Variants in G3BP2 observed in about 807,000 individuals in gnomAD.
G3BP2 encodes the protein G3BP stress granule assembly factor 2.
G3BP2 carries 11 observed loss-of-function variants against 56.7 expected under a neutral mutation model. The observed-to-expected ratio is 0.19, with a 90% CI of 0.12 to 0.32. G3BP2 has a LOEUF of 0.32. Among genes scored for constraint, G3BP2 ranks in the 10% least tolerant of loss-of-function variants. The pLI is 1.00. For synonymous variants in G3BP2, 165 were observed against 191.6 expected (o/e 0.86, Z 1.15); for missense variants, 340 against 610.9 (o/e 0.56, Z 4.67).
intron 11 of G3BP2, 97 bp downstream of exon 11, chr4:75,646,239 CTT>C (rs1239105939): frequency 1.5e-6 from 1 of 658,070 alleles, no homozygotes; most frequent in African/African-American, 1.9e-5. Flanking sequence ...CTATTTTTAG[CTT>C]TATTATTAAA....
chr4:75,656,552 CAT>C (rs1732132242), intron 5 of G3BP2, among the ~76,000 whole-genome samples: 1 of 152,018 alleles, frequency 6.6e-6, no homozygotes, highest in African/African-American at 2.4e-5. Context: ...ATAGCCACAA[CAT>C]AGACAGCCAA....
upstream of G3BP2, among the ~76,000 whole-genome samples, chr4:75,677,751 T>G (rs532917115): frequency 6.6e-6 from 1 of 152,320 alleles, no homozygotes; most frequent in African/African-American, 2.4e-5. Context: ...TTTTAAGGCT[T>G]GCAAAACAAA....
chr4:75,684,218 A>C (rs1560412427), intron 3 of G3BP2, among the ~76,000 whole-genome samples: 2 of 152,124 alleles, frequency 1.3e-5, no homozygotes, highest in Admixed American at 6.5e-5. Flanking sequence ...AGCCTGGCCA[A>C]TATGGTGAAA....
At chr4:75,700,710 C>T (rs1290497807) in intron 3 of G3BP2, among the ~76,000 whole-genome samples, 8 of 149,332 alleles carry the variant, frequency 5.4e-5, no homozygotes, top group East Asian at 4.0e-4. Flanking sequence ...TGAGCCACTG[C>T]GCCCAGCTGA....
At chr4:75,695,867 A>G (rs916726520) in intron 3 of G3BP2, among the ~76,000 whole-genome samples, 4 of 151,552 alleles carry the variant, frequency 2.6e-5, no homozygotes, top group African/African-American at 2.4e-5. Flanking sequence ...CCAGCTATTC[A>G]GGAGGCTGAG....
chr4:75,721,746 G>A (rs941768826), intron 2 of G3BP2, among the ~76,000 whole-genome samples: 8 of 152,136 alleles, frequency 5.3e-5, no homozygotes, highest in South Asian at 2.1e-4. Context: ...TTGTTTTTGC[G>A]AGTTTTCCAC....
At chr4:75,680,885 T>A (rs1212848893) in intron 3 of G3BP2, among the ~76,000 whole-genome samples, 1 of 151,368 alleles carries the variant, frequency 6.6e-6, no homozygotes, top group Non-Finnish European at 1.5e-5. Flanking sequence ...GGAGAATAGC[T>A]TGAACCCAGG....
intron 3 of G3BP2, among the ~76,000 whole-genome samples, chr4:75,707,482 G>A (rs1397785867): frequency 6.6e-6 from 1 of 151,752 alleles, no homozygotes; most frequent in Non-Finnish European, 1.5e-5. Context: ...GGTGGCGGGA[G>A]CCTGTAGTCC....
chr4:75,651,097 G>T (rs1015052365), intron 8 of G3BP2, among the ~76,000 whole-genome samples: 1 of 152,174 alleles, frequency 6.6e-6, no homozygotes, highest in African/African-American at 2.4e-5. Flanking sequence ...AAAATGTGAT[G>T]CTGAAAAAGG....
At chr4:75,646,705 G>C (rs1731230813) in intron 10 of G3BP2, among the ~76,000 whole-genome samples, 1 of 105,314 alleles carries the variant, frequency 9.5e-6, no homozygotes, top group South Asian at 4.7e-4. Flanking sequence ...AAAGTTAACT[G>C]CATAATTTTG....
intron 3 of G3BP2, among the ~76,000 whole-genome samples, chr4:75,706,798 T>C (rs1407278997): frequency 1.3e-5 from 2 of 152,172 alleles, no homozygotes; most frequent in African/African-American, 4.8e-5. Flanking sequence ...TGGTCAAAGT[T>C]GACCACCACT....
chr4:75,655,074 G>T lies in G3BP2; in HGVS notation c.718C>A (p.Pro240Thr). Residue 240 changes from proline to threonine, a missense_variant, in exon 7 of 12, where the codon CCA becomes ACA. Physicochemically the swap from Pro to Thr is conservative, Grantham distance 38. Transcript: ENST00000359707. ...GAGTTCTTTGATCTAACCTTTGGTGGTTCTTGTGGCAGAGAAACAGGTTCT... is the reference window on the plus strand; with the variant it reads ...GAGTTCTTTGATCTAACCTTTGGTGTTTCTTGTGGCAGAGAAACAGGTTCT... ...PAEPVSLPQE[P>T]PKAFSWASVT... The T allele has an allele frequency of 6.2e-7, 1 of 1,609,704 alleles. No individual in the cohort carries two copies. The highest frequency in any genetic ancestry group is 8.5e-7 in the Non-Finnish European group (1 of 1,177,990).
At chr4:75,704,303 C>G (rs2149099348) in intron 3 of G3BP2, among the ~76,000 whole-genome samples, 1 of 152,090 alleles carries the variant, frequency 6.6e-6, no homozygotes, top group South Asian at 2.1e-4. Context: ...AGGCGTGAGC[C>G]CCCGCCGGAC....
rs553574178 is a variant in G3BP2 at position 75,709,282 on chromosome 4, C to T, written c.-25+11595G>A. Reference sequence around the variant, plus strand: ...TAAAAATACAAAAATTAGCCAGGTGCGGTGGTTGGCCCCTGTAATCTCAGC... The same window carrying T: ...TAAAAATACAAAAATTAGCCAGGTGTGGTGGTTGGCCCCTGTAATCTCAGC... On this transcript the variant is annotated intron_variant, in intron 3 of 3. Coordinates refer to the G3BP2 transcript ENST00000499709. 4.6e-5 allele frequency among the ~76,000 whole-genome samples: 7 copies of T among 151,680 alleles called. No individual in the cohort carries two copies. The East Asian group carries it at 5.8e-4, about 13-fold the overall frequency.
upstream of G3BP2, among the ~76,000 whole-genome samples, chr4:75,674,719 T>TATATATATATATATATATATATATA (rs57822618): frequency 1.2e-4 from 6 of 50,958 alleles, no homozygotes; most frequent in African/African-American, 1.7e-4. Context: ...TATATATATA[T>TATATATATATATATATATATATATA]TTTTTTTTTT....
chr4:75,720,516 A>T (rs1720124046), intron 3 of G3BP2, among the ~76,000 whole-genome samples: 1 of 150,264 alleles, frequency 6.7e-6, no homozygotes, highest in South Asian at 2.1e-4. Flanking sequence ...AAAAAAAAAA[A>T]AATATTTTGA....
intron 1 of G3BP2, among the ~76,000 whole-genome samples, chr4:75,664,037 C>T (rs1732787819): frequency 6.6e-6 from 1 of 150,698 alleles, no homozygotes; most frequent in Admixed American, 6.6e-5. Context: ...GCACGTGTCA[C>T]CACACCTGGC....
At chr4:75,671,215 C>G (rs1490463398) in intron 1 of G3BP2, among the ~76,000 whole-genome samples, 1 of 152,136 alleles carries the variant, frequency 6.6e-6, no homozygotes, top group Non-Finnish European at 1.5e-5. Flanking sequence ...AGTTCAGACG[C>G]AACACTTTAG....
At chr4:75,724,437 C>T (rs1180925588) in exon 1 of G3BP2, 2 of 263,472 alleles carry the variant, frequency 7.6e-6, no homozygotes, top group Non-Finnish European at 1.5e-5. Context: ...CGGGCTTCCA[C>T]CACGTGGGTG....
Sources: gnomAD v4.1 joint callset for allele counts (sites outside exome capture counted in the v4.1 genomes callset) on GRCh38, gnomAD v4.1.1 for gene constraint, MANE v1.5 for transcripts, NCBI Gene and HGNC (gene_info 2026-07-23, HGNC 2026-07-21) for gene names.